Variants in PTDSS2 observed in about 807,000 individuals in gnomAD.
The protein encoded by PTDSS2 is phosphatidylserine synthase 2.
In PTDSS2, 41 loss-of-function variants were observed where a neutral mutation model predicts 64.7. The observed-to-expected ratio is 0.63, with a 90% CI of 0.49 to 0.82. The LOEUF is 0.82. Among genes scored for constraint, PTDSS2 ranks in the 40% least tolerant of loss-of-function variants. PTDSS2 has a pLI of 0.00. For synonymous variants in PTDSS2, 297 were observed against 277.8 expected, an observed-to-expected ratio of 1.07 and a Z score of -0.69; for missense variants, 485 against 650.0, an observed-to-expected ratio of 0.75 and a Z score of 2.76.
intron 3 of PTDSS2, among the ~76,000 whole-genome samples, chr11:478,801 C>T (rs191081078): frequency 6.6e-5 from 10 of 152,258 alleles, no homozygotes; most frequent in Admixed American, 2.6e-4. Context: ...AAGCATCACT[C>T]GTAAACACAA....
intron 3 of PTDSS2, among the ~76,000 whole-genome samples, chr11:477,020 T>TG (rs750562404): frequency 6.6e-6 from 1 of 150,720 alleles, no homozygotes; most frequent in Non-Finnish European, 1.5e-5. Flanking sequence ...AGGCTCTGGG[T>TG]GGGGGGCAGG....
At chr11:464,017 G>C (rs1847029855) in intron 2 of PTDSS2, 1 of 151,104 alleles carries the variant, frequency 6.6e-6, no homozygotes, top group Non-Finnish European at 1.5e-5. Context: ...ACAGGGTCGT[G>C]CTCTGTTGCC....
intron 6 of PTDSS2, among the ~76,000 whole-genome samples, chr11:487,885 G>A (rs890273352): frequency 2.0e-5 from 3 of 152,206 alleles, no homozygotes; most frequent in Non-Finnish European, 4.4e-5. Context: ...GTCGTACATC[G>A]AGGCTGCTGG....
chr11:474,949 CAT>C (rs1847667357), intron 3 of PTDSS2, among the ~76,000 whole-genome samples: 1 of 144,726 alleles, frequency 6.9e-6, no homozygotes, highest in Admixed American at 7.0e-5. Context: ...CGGACATAAT[CAT>C]GTCTTTGTGT....
intron 4 of PTDSS2, among the ~76,000 whole-genome samples, chr11:486,280 C>T (rs1034067947): frequency 2.0e-5 from 3 of 150,926 alleles, no homozygotes; most frequent in Non-Finnish European, 3.0e-5. Flanking sequence ...TTGGCCTGAG[C>T]GCGCATGCGG....
In PTDSS2 at chr11:451,433, C is replaced by G. The variant is rs959466986; in HGVS notation, c.182+796C>G. ...GCCGATGCTCCTCTGTGAGAAGGAT[C>G]AAGCCGTCGACCTGAAAGCAGGCTT... On this transcript the variant is annotated intron_variant, in intron 1 of 11. Coordinates refer to ENST00000308020, the MANE Select transcript of PTDSS2 (RefSeq NM_030783.3). 5 of 444,420 alleles carry G rather than the reference C, an allele frequency of 1.1e-5. No homozygotes were observed. The East Asian group carries it at 2.2e-4, about 20-fold the overall frequency. 27.5% of individuals were successfully genotyped at this position (444,420 alleles called of 1,614,324 possible).
rs574220479 is a variant in PTDSS2 at position 460,533 on chromosome 11, G to A, written c.284+245G>A. 8.1e-6 allele frequency: 4 copies of A among 492,302 alleles called. No homozygotes were observed. In the East Asian group the frequency reaches 1.0e-4, roughly 13 times the overall value. The allele number at this position is 492,302 out of a possible 1,614,324, so 30.5% of individuals were successfully genotyped here. ...AGCCAGGAGTCTGTGTCATCTCCAC[G>A]TGACCGGCAGCCTGTGCTGCGTTTC... is the stretch of plus-strand genomic sequence containing the variant. On this transcript the variant is annotated intron_variant, in intron 2 of 11. Transcript: ENST00000308020. The surrounding 1 kb of genome is among the most constrained non-coding windows in gnomAD (Gnocchi z 5.8).
Position 450,742 on chromosome 11 carries a change from G to A in PTDSS2, c.182+105G>A, listed in dbSNP as rs1590593896. On this transcript the variant is annotated intron_variant, in intron 1 of 11. Coordinates refer to ENST00000308020, the MANE Select transcript of PTDSS2 (RefSeq NM_030783.3). ...GGCAGCGCCCTCTCGCCGTCTTGGA[G>A]TCCAGGACTGTGGCCGGGGGTTTGA... The A allele has an allele frequency of 1.3e-5, 13 of 1,010,844 alleles. No homozygotes were observed. The East Asian group carries it at 4.3e-4, about 34-fold the overall frequency. The allele number at this position is 1,010,844 out of a possible 1,614,324, so 62.6% of individuals were successfully genotyped here. A position where few individuals can be genotyped will look rare whatever the true frequency, so the allele number is the denominator to read the frequency against.
intron 1 of PTDSS2, chr11:451,575 A>G (rs1846330480): frequency 1.3e-5 from 3 of 237,156 alleles, no homozygotes; most frequent in South Asian, 1.1e-4. Flanking sequence ...CGTGTGGGAG[A>G]CAGGCGCCTG....
At chr11:450,939 C>A (rs367549943) in intron 1 of PTDSS2, among the ~76,000 whole-genome samples, 2 of 151,520 alleles carry the variant, frequency 1.3e-5, no homozygotes, top group East Asian at 3.9e-4. Context: ...TTGGCTCTGA[C>A]CGCGCGGTTC....
intron 2 of PTDSS2, among the ~76,000 whole-genome samples, chr11:471,875 G>A (rs78978290): frequency 0.046 from 6,184 of 133,360 alleles, 303 homozygotes; most frequent in East Asian, 0.25. Context: ...GGGGTGACGC[G>A]CACCTGTCTG....
At chr11:457,856 G>T (rs1372136666) in intron 1 of PTDSS2, among the ~76,000 whole-genome samples, 1 of 152,200 alleles carries the variant, frequency 6.6e-6, no homozygotes. Flanking sequence ...TTTCTGTGCC[G>T]TTTTGCAGTC....
chr11:467,710 G>C (rs111228863), intron 2 of PTDSS2, among the ~76,000 whole-genome samples: 2 of 152,146 alleles, frequency 1.3e-5, no homozygotes, highest in Non-Finnish European at 2.9e-5. Context: ...TCCAGCCCGG[G>C]CAACAGTGCG....
intron 2 of PTDSS2, among the ~76,000 whole-genome samples, chr11:468,338 C>T (rs1293940650): frequency 1.3e-5 from 2 of 152,198 alleles, no homozygotes; most frequent in African/African-American, 4.8e-5. Flanking sequence ...TAGTAGAATG[C>T]AGCATTCGTA....
chr11:487,608 G>A lies in PTDSS2; in HGVS notation c.621+138G>A, dbSNP rs1052978005. On this transcript the variant is annotated intron_variant, in intron 6 of 11. Coordinates refer to ENST00000308020, the MANE Select transcript of PTDSS2 (RefSeq NM_030783.3). ...GGTGTCGCACTGCAGCCACCCAGAG[G>A]TTCGAGAAGCCGTGGGGCTCCCGGA... is the stretch of plus-strand genomic sequence containing the variant. The A allele has an allele frequency of 9.9e-6, 8 of 807,452 alleles. No individual in the cohort carries two copies. The African/African-American group carries it at 1.2e-4, about 12-fold the overall frequency. The allele number at this position is 807,452 out of a possible 1,614,324, so 50.0% of individuals were successfully genotyped here. A position where few individuals can be genotyped will look rare whatever the true frequency, so the allele number is the denominator to read the frequency against.
At chr11:456,699 G>A (rs1048927082) in intron 1 of PTDSS2, among the ~76,000 whole-genome samples, 1 of 152,134 alleles carries the variant, frequency 6.6e-6, no homozygotes, top group African/African-American at 2.4e-5. Flanking sequence ...GAGTTTCTGG[G>A]TCGCCGAATC....
At chr11:469,064 G>C (rs1161244660) in intron 2 of PTDSS2, among the ~76,000 whole-genome samples, 1 of 130,868 alleles carries the variant, frequency 7.6e-6, no homozygotes, top group Non-Finnish European at 1.6e-5. Context: ...TAATCAGAGG[G>C]AGGAGGAGGG....
upstream of PTDSS2, among the ~76,000 whole-genome samples, chr11:449,363 C>T (rs945200785): frequency 3.3e-5 from 5 of 152,216 alleles, no homozygotes; most frequent in Non-Finnish European, 2.9e-5. Flanking sequence ...CCGCCGCGCC[C>T]GGCCTGCCTA....
At position 462,326 on chromosome 11, in the gene PTDSS2, T is replaced by A. The variant is rs1044722501; in HGVS notation, c.284+2038T>A. On this transcript the variant is annotated intron_variant, in intron 2 of 11. Coordinates refer to ENST00000308020, the MANE Select transcript of PTDSS2 (RefSeq NM_030783.3). The surrounding 1 kb of genome is among the most constrained non-coding windows in gnomAD (Gnocchi z 4.5). The stretch of plus-strand genomic sequence containing the variant: ...CTGAGTGGCCCCCGACGTGAGAGGC[T>A]GGGTTCTGCCATCCTGTCCTCTCCA... 4.6e-5 allele frequency among the ~76,000 whole-genome samples: 7 copies of A among 152,062 alleles called. No homozygotes were observed. Among genetic ancestry groups the A allele is most frequent in the Non-Finnish European group, 7.4e-5 (5 of 67,978 alleles).
Sources: gnomAD v4.1 joint callset for allele counts (sites outside exome capture counted in the v4.1 genomes callset) on GRCh38, gnomAD v4.1.1 for gene constraint, Gnocchi (gnomAD v3.1) non-coding constraint, MANE v1.5 for transcripts, NCBI Gene and HGNC (gene_info 2026-07-23, HGNC 2026-07-21) for gene names.